PIGN: variants seen among roughly 807,000 people sequenced by gnomAD.
The protein encoded by PIGN is phosphatidylinositol glycan anchor biosynthesis class N, also known as GPI ethanolamine phosphate transferase 1.
A neutral mutation model predicts 125.4 loss-of-function variants in PIGN; 117 were observed. The observed-to-expected ratio is 0.93, with a 90% CI of 0.80 to 1.09. The LOEUF (loss-of-function observed/expected upper bound fraction) is 1.09, where lower values mean the gene tolerates loss of function less well. PIGN is among the 50% of genes least tolerant of loss of function. PIGN has a pLI of 0.00. For synonymous variants in PIGN, 392 were observed against 377.8 expected, an observed-to-expected ratio of 1.04 and a Z score of -0.44; for missense variants, 1,075 against 1,094.9, an observed-to-expected ratio of 0.98 and a Z score of 0.26.
chr18:62,060,360 C>T (rs1387096856), intron 30 of PIGN, among the ~76,000 whole-genome samples: 1 of 152,004 alleles, frequency 6.6e-6, no homozygotes, highest in Admixed American at 6.6e-5. Context: ...GCCAGGCAGG[C>T]CTTTTCAACC....
rs2037354119 is a variant in PIGN, at chr18:62,171,822, C to T, written c.-235-8166G>A. 4.6e-5 allele frequency among the ~76,000 whole-genome samples: 7 copies of T among 151,960 alleles called. 2 individuals carry two copies. The highest frequency in any genetic ancestry group is 4.6e-4 in the Admixed American group (7 of 15,254). Reference sequence around the variant, plus strand: ...CGCATCTTACATTCCCAGAATAAACCCCACTTAGTCATTAAGTATTATCCT... The same window carrying T: ...CGCATCTTACATTCCCAGAATAAACTCCACTTAGTCATTAAGTATTATCCT... On this transcript the variant is annotated intron_variant, in intron 1 of 30. Coordinates refer to ENST00000640252, the MANE Select transcript of PIGN (RefSeq NM_176787.5).
At chr18:62,179,227 C>T (rs778253573) in intron 1 of PIGN, among the ~76,000 whole-genome samples, 13 of 152,120 alleles carry the variant, frequency 8.5e-5, no homozygotes, top group South Asian at 6.2e-4. Context: ...TTGGCTGAGG[C>T]GGTTTGTTCA....
intron 1 of PIGN, among the ~76,000 whole-genome samples, chr18:62,165,257 A>G (rs1412004605): frequency 6.6e-6 from 1 of 152,192 alleles, no homozygotes; most frequent in Non-Finnish European, 1.5e-5. Context: ...CCATGTTATA[A>G]CAAAGCACAG....
intron 12 of PIGN, among the ~76,000 whole-genome samples, chr18:62,139,911 CA>C (rs1342478124): frequency 6.6e-6 from 1 of 152,186 alleles, no homozygotes; most frequent in African/African-American, 2.4e-5. Context: ...GGTTTTCAAG[CA>C]CCACTTTGTT....
At chr18:62,133,958 A>T (rs1162626513) in intron 14 of PIGN, among the ~76,000 whole-genome samples, 2 of 152,180 alleles carry the variant, frequency 1.3e-5, no homozygotes, top group Non-Finnish European at 2.9e-5. Context: ...ATTTTTAAAA[A>T]ACATGTTCTT....
intron 12 of PIGN, among the ~76,000 whole-genome samples, chr18:62,140,038 T>C (rs2036078221): frequency 6.6e-6 from 1 of 152,202 alleles, no homozygotes. Context: ...AATACAAAGA[T>C]ATAAATCATA....
At chr18:62,056,081 C>T (rs1250297874) in intron 30 of PIGN, among the ~76,000 whole-genome samples, 3 of 136,472 alleles carry the variant, frequency 2.2e-5, no homozygotes, top group Non-Finnish European at 4.7e-5. Context: ...GCAAAAACCG[C>T]AATTACTTTT....
At chr18:62,116,357 T>C (rs901531818) in intron 14 of PIGN, among the ~76,000 whole-genome samples, 6 of 152,206 alleles carry the variant, frequency 3.9e-5, no homozygotes, top group African/African-American at 7.2e-5. Context: ...TTGCATCCTC[T>C]CACTTACAAT....
intron 22 of PIGN, among the ~76,000 whole-genome samples, chr18:62,096,533 T>C (rs1413213045): frequency 7.1e-6 from 1 of 140,230 alleles, no homozygotes; most frequent in Non-Finnish European, 1.5e-5. Context: ...TTTTTTTTTT[T>C]TTTTTTTTTT....
downstream of PIGN, among the ~76,000 whole-genome samples, chr18:62,039,267 G>A (rs187479915): frequency 1.6e-3 from 238 of 152,066 alleles, 1 homozygote; most frequent in African/African-American, 5.4e-3. Flanking sequence ...AATACAGAGG[G>A]TTCCAACACA....
At chr18:62,126,669 G>A (rs2035546452) in intron 14 of PIGN, among the ~76,000 whole-genome samples, 1 of 152,040 alleles carries the variant, frequency 6.6e-6, no homozygotes, top group South Asian at 2.1e-4. Context: ...TTAACTGAGG[G>A]ATTTCACCCA....
At chr18:62,068,316 C>T (rs942436280) in intron 30 of PIGN, among the ~76,000 whole-genome samples, 2 of 152,126 alleles carry the variant, frequency 1.3e-5, no homozygotes, top group African/African-American at 4.8e-5. Flanking sequence ...GTCTGAGGTC[C>T]CTGGACCTCC....
At chr18:62,108,836 C>A (rs777122621) in intron 17 of PIGN, among the ~76,000 whole-genome samples, 2 of 152,190 alleles carry the variant, frequency 1.3e-5, no homozygotes, top group African/African-American at 4.8e-5. Context: ...GATCCACCTG[C>A]CTTGGCCTCC....
chr18:62,162,446 TAC>T (rs2036988644), intron 2 of PIGN, 117 bp from the exon 3 acceptor site: 1 of 152,130 alleles, frequency 6.6e-6, no homozygotes, highest in Non-Finnish European at 1.5e-5. Flanking sequence ...TAATTTTAGC[TAC>T]AGACACATCT....
At chr18:62,032,422 G>A (rs1308147749) in intron 23 of PIGN, among the ~76,000 whole-genome samples, 1 of 152,204 alleles carries the variant, frequency 6.6e-6, no homozygotes, top group Non-Finnish European at 1.5e-5. Context: ...TGCTTCAAAG[G>A]TGAATGTCAA....
At chr18:62,053,064 T>G (rs915632374) in intron 30 of PIGN, 8 of 286,366 alleles carry the variant, frequency 2.8e-5, no homozygotes, top group Admixed American at 5.2e-5. Context: ...CTTGTCCTCT[T>G]AAGTTTTCTA....
intron 30 of PIGN, among the ~76,000 whole-genome samples, chr18:62,065,675 C>T (rs908847353): frequency 5.3e-5 from 8 of 151,842 alleles, no homozygotes; most frequent in Admixed American, 6.6e-5. Context: ...GGAGACAGAG[C>T]TTGTGAGCCG....
At chr18:62,156,557 C>T (rs950510748) in intron 6 of PIGN, among the ~76,000 whole-genome samples, 4 of 152,132 alleles carry the variant, frequency 2.6e-5, no homozygotes, top group Non-Finnish European at 5.9e-5. Context: ...TCTCCAACTC[C>T]TGAGCTCAAG....
At chr18:62,055,462 A>T (rs1304279968) in intron 30 of PIGN, among the ~76,000 whole-genome samples, 1 of 152,202 alleles carries the variant, frequency 6.6e-6, no homozygotes, top group East Asian at 1.9e-4. Context: ...GAAATGGAAA[A>T]CATTAAATGT....
Sources: gnomAD v4.1 joint callset for allele counts (sites outside exome capture counted in the v4.1 genomes callset) on GRCh38, gnomAD v4.1.1 for gene constraint, MANE v1.5 for transcripts, NCBI Gene and HGNC (gene_info 2026-07-23, HGNC 2026-07-21) for gene names.